Variants in ZSWIM4 observed in about 807,000 individuals in gnomAD.
The protein encoded by ZSWIM4 is zinc finger SWIM domain-containing protein 4.
A neutral mutation model predicts 102.5 loss-of-function variants in ZSWIM4; 62 were observed. That is an observed-to-expected ratio of 0.60 (90% CI 0.49 to 0.75). The LOEUF (loss-of-function observed/expected upper bound fraction) is 0.75. Among genes scored for constraint, ZSWIM4 ranks in the 30% least tolerant of loss-of-function variants. The pLI is 0.00. For missense variants in ZSWIM4, 1,280 were observed against 1,529.6 expected, an observed-to-expected ratio of 0.84 and a Z score of 2.72; for synonymous variants, 652 against 674.5, an observed-to-expected ratio of 0.97 and a Z score of 0.52.
In ZSWIM4 at chr19:13,817,864, C is replaced by T. The variant is rs759700115; in HGVS notation, c.1812C>T (p.Ala604=). The T allele has an allele frequency of 8.4e-6, 13 of 1,556,512 alleles. No individual in the cohort carries two copies. The highest frequency in any genetic ancestry group is 9.6e-6 in the Non-Finnish European group (11 of 1,149,972). The part of the protein sequence containing the change: ...QQRALPEGLY[A]QDKVVRNEEQ... ...GGGCCCTGCCGGAGGGGCTGTACGCCCAGGACAAGGTGGTGCGCAACGAGG... is the reference window on the plus strand; with the variant it reads ...GGGCCCTGCCGGAGGGGCTGTACGCTCAGGACAAGGTGGTGCGCAACGAGG... The change falls in exon 9 of 14, where the codon GCC becomes GCT. Residue 604 remains alanine, a synonymous_variant. Transcript: ENST00000590508.
intron 3 of ZSWIM4, among the ~76,000 whole-genome samples, chr19:13,805,583 C>T (rs560891508): frequency 6.5e-4 from 98 of 151,330 alleles, no homozygotes; most frequent in Admixed American, 4.2e-3. Context: ...TGGGGGGCTC[C>T]GAGGGGCTTG....
rs375720071 is a variant in ZSWIM4 at position 13,804,875 on chromosome 19, C to T, written c.439C>T (p.Arg147Cys). 9 of 1,613,580 alleles carry T rather than the reference C, an allele frequency of 5.6e-6. No homozygotes were observed. Among genetic ancestry groups the T allele is most frequent in the Non-Finnish European group, 7.6e-6 (9 of 1,180,000 alleles). Residue 147 changes from arginine (R) to cysteine (C), a missense_variant, in exon 3 of 14, where the codon CGC becomes TGC. Transcript: ENST00000590508. ...CTACCATGTCTCCATCAGCTTTGAT[C>T]GCTGCAAGATCACGTCCGTGAGCTG... ...RLYHVSISFD[R>C]CKITSVSCGC...
At chr19:13,802,551 G>T (rs759067446) in intron 2 of ZSWIM4, among the ~76,000 whole-genome samples, 47 of 151,036 alleles carry the variant, frequency 3.1e-4, no homozygotes, top group Non-Finnish European at 4.3e-4. Flanking sequence ...TTGCTCTCCA[G>T]CCTGGGCAAG....
At chr19:13,827,837 T>C (rs952199550) in intron 12 of ZSWIM4, among the ~76,000 whole-genome samples, 1 of 151,922 alleles carries the variant, frequency 6.6e-6, no homozygotes, top group African/African-American at 2.4e-5. Flanking sequence ...GAGCTGCTGA[T>C]TGGTGGTGGG....
chr19:13,820,542 G>T (rs900521592), intron 10 of ZSWIM4, among the ~76,000 whole-genome samples: 31 of 152,164 alleles, frequency 2.0e-4, no homozygotes, highest in African/African-American at 6.8e-4. Context: ...GGCTAAATGT[G>T]TAATATTATT....
intron 5 of ZSWIM4, among the ~76,000 whole-genome samples, chr19:13,811,000 G>GC: frequency 1.5e-5 from 2 of 133,880 alleles, no homozygotes; most frequent in East Asian, 4.8e-4. Context: ...TGCAAGCTCC[G>GC]CCCCCCAGGT....
chr19:13,796,980 C>T (rs1198284215), intron 1 of ZSWIM4: 1 of 152,510 alleles, frequency 6.6e-6, no homozygotes, highest in Non-Finnish European at 1.5e-5. Flanking sequence ...GTCCCTGAGG[C>T]CTGGGCTGGT....
At chr19:13,828,775 G>A in intron 13 of ZSWIM4, 49 bp downstream of exon 13, 1 of 1,563,018 alleles carries the variant, frequency 6.4e-7, no homozygotes, top group Non-Finnish European at 8.8e-7. Context: ...TTCTGGTTCT[G>A]CAGAGCGCAC....
At chr19:13,821,309 A>G (rs1043651379) in intron 10 of ZSWIM4, among the ~76,000 whole-genome samples, 7 of 151,894 alleles carry the variant, frequency 4.6e-5, no homozygotes, top group African/African-American at 1.2e-4. Flanking sequence ...GGCCAACTCA[A>G]TAGTAAACCA....
In ZSWIM4 at chr19:13,795,648, G is replaced by C. The variant is rs1974588548; in HGVS notation, c.-1G>C. On this transcript the variant is annotated 5_prime_UTR_variant, in exon 1 of 14. Coordinates refer to ENST00000590508, the MANE Select transcript of ZSWIM4 (RefSeq NM_001367834.3). ...CCCGGCCCTGGCCCCGGCCGGGCCG[G>C]ATGGAACCCCCCGCGGCCAAGCGGA... is the stretch of plus-strand genomic sequence containing the variant. 2 of 683,510 alleles carry C rather than the reference G, an allele frequency of 2.9e-6. No individual in the cohort carries two copies. The highest frequency in any genetic ancestry group is 9.4e-5 in the East Asian group (2 of 21,202). 42.3% of individuals were successfully genotyped at this position (683,510 alleles called of 1,614,324 possible). A position where few individuals can be genotyped will look rare whatever the true frequency, so the allele number is the denominator to read the frequency against.
intron 12 of ZSWIM4, among the ~76,000 whole-genome samples, chr19:13,827,568 C>T (rs560670709): frequency 3.6e-4 from 48 of 131,820 alleles, no homozygotes; most frequent in Non-Finnish European, 6.5e-4. Flanking sequence ...ACTTCAGCCC[C>T]GGCGACAGAG....
intron 2 of ZSWIM4, among the ~76,000 whole-genome samples, chr19:13,800,265 T>A (rs1974730607): frequency 1.3e-5 from 1 of 75,720 alleles, no homozygotes; most frequent in Non-Finnish European, 2.4e-5. Flanking sequence ...TTTTTTTTTT[T>A]TTTTTTTTTT....
chr19:13,813,920 CAAA>C (rs34407290), intron 6 of ZSWIM4, among the ~76,000 whole-genome samples: 19 of 100,470 alleles, frequency 1.9e-4, no homozygotes, highest in East Asian at 3.3e-4. Context: ...GACCCTGTCT[CAAA>C]AAAAAAAAAA....
At position 13,795,765 on chromosome 19, in the gene ZSWIM4, C is replaced by T. The variant is rs750280643; in HGVS notation, c.117C>T (p.Ser39=). The change falls in exon 1 of 14, where the codon AGC becomes AGT. Residue 39 remains serine, a synonymous_variant. Coordinates refer to ENST00000590508, the MANE Select transcript of ZSWIM4 (RefSeq NM_001367834.3). ...GGCCCGAGGCGCTGCTGGACCTCAG[C>T]GCCAAGCGGGTAGCCGAGAGCTGGG... The part of the protein sequence containing the change: ...RGRPEALLDL[S]AKRVAESWAF... 15 of 1,245,818 alleles carry T rather than the reference C, an allele frequency of 1.2e-5. No individual in the cohort carries two copies. The highest frequency in any genetic ancestry group is 1.4e-5 in the Non-Finnish European group (14 of 994,666). The allele number at this position is 1,245,818 out of a possible 1,614,324, so 77.2% of individuals were successfully genotyped here.
rs1171413327 is a variant in ZSWIM4, at chr19:13,795,733, C to A, written c.85C>A (p.Arg29=). Residue 29 remains arginine (R), a synonymous_variant, in exon 1 of 14, where the codon CGG becomes AGG. Transcript: ENST00000590508. ...RDAGAGAARG[R]GRPEALLDLS... is the part of the protein sequence containing the mutation. ...TGCCGGGGCCGGGGCCGCGCGTGGC[C>A]GGGGCCGGCCCGAGGCGCTGCTGGA... 3 of 1,220,934 alleles carry A rather than the reference C, an allele frequency of 2.5e-6. No homozygotes were observed. The highest frequency in any genetic ancestry group is 3.1e-6 in the Non-Finnish European group (3 of 980,390). 75.6% of individuals were successfully genotyped at this position (1,220,934 alleles called of 1,614,324 possible).
intron 10 of ZSWIM4, 101 bp from the exon 11 acceptor site, chr19:13,823,245 T>C: frequency 7.7e-7 from 1 of 1,290,844 alleles, no homozygotes; most frequent in Non-Finnish European, 1.1e-6. Flanking sequence ...AGGGCTCTGC[T>C]GGCTGAAGTG....
At chr19:13,805,250 G>T in intron 3 of ZSWIM4, 102 bp downstream of exon 3, 5 of 1,090,432 alleles carry the variant, frequency 4.6e-6, no homozygotes, top group East Asian at 2.4e-5. Context: ...AGAAAGTTGT[G>T]GGGGCGGGGG....
intron 2 of ZSWIM4, among the ~76,000 whole-genome samples, chr19:13,800,286 G>T (rs1974732065): frequency 6.2e-5 from 3 of 48,584 alleles, no homozygotes; most frequent in Admixed American, 2.8e-4. Context: ...TTTTTTTTGA[G>T]ACGGAGTCTC....
chr19:13,826,556 G>A (rs1157949264), intron 12 of ZSWIM4, among the ~76,000 whole-genome samples: 1 of 152,050 alleles, frequency 6.6e-6, no homozygotes, highest in East Asian at 1.9e-4. Flanking sequence ...CACGAGGCCA[G>A]GAGTTCGAGA....
Sources: allele counts gnomAD v4.1 joint callset (sites outside exome capture counted in the v4.1 genomes callset), GRCh38; gene constraint gnomAD v4.1.1; transcripts MANE v1.5; gene names NCBI Gene and HGNC (gene_info 2026-07-23, HGNC 2026-07-21).